The following ELOVL7 variants were observed in gnomAD, a reference collection of about 807,000 sequenced individuals.
ELOVL7 encodes the protein very long chain fatty acid elongase 7.
Under a neutral mutation model 35.7 loss-of-function variants are expected in ELOVL7, and 27 were observed. The observed-to-expected ratio is 0.76, with a 90% CI of 0.56 to 1.04. The LOEUF (loss-of-function observed/expected upper bound fraction) is 1.04. Among genes scored for constraint, ELOVL7 ranks in the 50% least tolerant of loss-of-function variants. The probability of loss-of-function intolerance (pLI) is 0.00; values close to 1 mark genes in which losing one functional copy is unlikely to be tolerated. For missense variants in ELOVL7, 327 were observed against 340.8 expected (o/e 0.96, Z 0.32); for synonymous variants, 113 against 114.6 (o/e 0.99, Z 0.09).
intron 1 of ELOVL7, among the ~76,000 whole-genome samples, chr5:60,805,408 T>C (rs980642361): frequency 6.6e-6 from 1 of 152,204 alleles, no homozygotes; most frequent in Non-Finnish European, 1.5e-5. Context: ...TAGATTACAG[T>C]GGTGGCACCT....
At chr5:60,837,134 G>A (rs1240676916) in intron 1 of ELOVL7, among the ~76,000 whole-genome samples, 1 of 151,694 alleles carries the variant, frequency 6.6e-6, no homozygotes, top group African/African-American at 2.4e-5. Flanking sequence ...GAAAATACAA[G>A]TAAAGAGACT....
intron 6 of ELOVL7, among the ~76,000 whole-genome samples, chr5:60,766,174 G>A (rs951044572): frequency 3.3e-5 from 5 of 152,158 alleles, no homozygotes; most frequent in African/African-American, 1.2e-4. Context: ...GGATGACTGT[G>A]CTTTGGGATA....
intron 3 of ELOVL7, chr5:60,784,149 A>C: frequency 6.6e-7 from 1 of 1,521,398 alleles, no homozygotes; most frequent in East Asian, 2.5e-5. Flanking sequence ...TTCTCTTCTT[A>C]AGTAGCAGGT....
At chr5:60,810,361 G>A (rs1044883203) in intron 1 of ELOVL7, among the ~76,000 whole-genome samples, 3 of 152,190 alleles carry the variant, frequency 2.0e-5, no homozygotes, top group Non-Finnish European at 4.4e-5. Context: ...TGAAGGGAAA[G>A]GGAGATGATG....
At chr5:60,779,812 A>G (rs1201767559) in intron 3 of ELOVL7, among the ~76,000 whole-genome samples, 1 of 152,142 alleles carries the variant, frequency 6.6e-6, no homozygotes, top group Non-Finnish European at 1.5e-5. Flanking sequence ...TTTCTATCGC[A>G]TCATCAGGCT....
At chr5:60,777,347 A>C (rs1742968340) in intron 3 of ELOVL7, among the ~76,000 whole-genome samples, 1 of 152,128 alleles carries the variant, frequency 6.6e-6, no homozygotes, top group Non-Finnish European at 1.5e-5. Context: ...TATGTATTCC[A>C]TAAATATATA....
chr5:60,781,639 GT>G (rs1743262109), intron 3 of ELOVL7, among the ~76,000 whole-genome samples: 1 of 152,126 alleles, frequency 6.6e-6, no homozygotes, highest in Non-Finnish European at 1.5e-5. Flanking sequence ...TGACTTTCAA[GT>G]TCTACAGATA....
At chr5:60,754,928 T>C (rs1471855047) in intron 8 of ELOVL7, 95 bp from the exon 9 acceptor site, 3 of 1,009,452 alleles carry the variant, frequency 3.0e-6, no homozygotes, top group Non-Finnish European at 4.4e-6. Context: ...GTGCAGGGAG[T>C]GCACTATTGG....
intron 1 of ELOVL7, among the ~76,000 whole-genome samples, chr5:60,823,717 A>G (rs1746016254): frequency 6.6e-6 from 1 of 152,236 alleles, no homozygotes; most frequent in Non-Finnish European, 1.5e-5. Flanking sequence ...GAACAAGTTT[A>G]AAGTAGTGGT....
At chr5:60,772,559 C>G (rs1742662967) in intron 3 of ELOVL7, among the ~76,000 whole-genome samples, 1 of 152,152 alleles carries the variant, frequency 6.6e-6, no homozygotes, top group Non-Finnish European at 1.5e-5. Context: ...TATGCTAAGA[C>G]AAGTTTTGAC....
chr5:60,821,940 G>GA (rs1237122555), intron 1 of ELOVL7, among the ~76,000 whole-genome samples: 2 of 152,098 alleles, frequency 1.3e-5, no homozygotes, highest in Non-Finnish European at 2.9e-5. Context: ...GGGAAAAAAA[G>GA]AAAAAAACAA....
chr5:60,778,688 G>A (rs1335626403), intron 3 of ELOVL7, among the ~76,000 whole-genome samples: 1 of 152,046 alleles, frequency 6.6e-6, no homozygotes, highest in African/African-American at 2.4e-5. Context: ...ATTTGGGTGG[G>A]GATACAGTCA....
chr5:60,771,048 T>C (rs2112176439), intron 4 of ELOVL7, among the ~76,000 whole-genome samples: 1 of 152,030 alleles, frequency 6.6e-6, no homozygotes, highest in East Asian at 1.9e-4. Flanking sequence ...GTAGCAAGAG[T>C]CAGGTCAGAA....
intron 1 of ELOVL7, among the ~76,000 whole-genome samples, chr5:60,807,480 A>G (rs1744995873): frequency 6.6e-6 from 1 of 151,866 alleles, no homozygotes; most frequent in Non-Finnish European, 1.5e-5. Context: ...CCCAAACTGT[A>G]TCAGACCAAG....
At chr5:60,797,740 C>T (rs1270500689) in intron 2 of ELOVL7, among the ~76,000 whole-genome samples, 1 of 152,146 alleles carries the variant, frequency 6.6e-6, no homozygotes, top group African/African-American at 2.4e-5. Flanking sequence ...CAGTCTGGTG[C>T]AAGTGCAGTA....
Position 60,752,900 on chromosome 5 carries a change from G to A in ELOVL7, c.*1724C>T, listed in dbSNP as rs1029481465. 3 of 151,920 alleles carry A rather than the reference G, an allele frequency of 2.0e-5. No individual in the cohort carries two copies. The highest frequency in any genetic ancestry group is 7.3e-5 in the African/African-American group (3 of 41,334). The allele number at this position is 151,920 out of a possible 1,614,324, so 9.4% of individuals were successfully genotyped here. On this transcript the variant is annotated 3_prime_UTR_variant, in exon 9 of 9. Transcript: ENST00000508821. ...AGAGGTTGCAGTGAACCGAGATTGT[G>A]CCATTGCACTCTAGCCTGGGCAACA...
intron 1 of ELOVL7, among the ~76,000 whole-genome samples, chr5:60,831,042 A>G (rs2112384674): frequency 6.6e-6 from 1 of 152,352 alleles, no homozygotes; most frequent in Admixed American, 6.5e-5. Flanking sequence ...CCAGTGTCTA[A>G]CACATTGCAA....
chr5:60,767,663 AT>A (rs908659780), intron 5 of ELOVL7, among the ~76,000 whole-genome samples, 159 bp downstream of exon 5: 17 of 152,074 alleles, frequency 1.1e-4, no homozygotes, highest in African/African-American at 3.6e-4. Context: ...TATACATGTG[AT>A]TTTTTTTATT....
intron 3 of ELOVL7, among the ~76,000 whole-genome samples, chr5:60,772,719 T>C (rs1039920803): frequency 1.3e-5 from 2 of 152,144 alleles, no homozygotes; most frequent in Non-Finnish European, 2.9e-5. Context: ...GGATACAGTC[T>C]TCATGGATCG....
Sources: allele counts gnomAD v4.1 joint callset (sites outside exome capture counted in the v4.1 genomes callset), GRCh38; gene constraint gnomAD v4.1.1; transcripts MANE v1.5; gene names NCBI Gene and HGNC (gene_info 2026-07-23, HGNC 2026-07-21).